ZSCAN5A: variants seen among roughly 807,000 people sequenced by gnomAD.
The protein encoded by ZSCAN5A is zinc finger and SCAN domain containing 5A.
A neutral mutation model predicts 23.7 loss-of-function variants in ZSCAN5A; 12 were observed. That is an observed-to-expected ratio of 0.51 (90% CI 0.32 to 0.82). The LOEUF is 0.82. Ranked by LOEUF, ZSCAN5A falls within the 40% of genes least tolerant of loss-of-function variation. The probability of loss-of-function intolerance (pLI) is 0.03; values close to 1 mark genes in which losing one functional copy is unlikely to be tolerated. For synonymous variants in ZSCAN5A, 257 were observed against 239.9 expected (o/e 1.07, Z -0.66); for missense variants, 597 against 617.9 (o/e 0.97, Z 0.36).
intron 2 of ZSCAN5A, among the ~76,000 whole-genome samples, chr19:56,304,620 G>A (rs570378766): frequency 2.0e-5 from 3 of 152,066 alleles, no homozygotes; most frequent in Admixed American, 6.5e-5. Context: ...GGTGAGAGGC[G>A]GGCTGAATAG....
chr19:56,228,286 C>T (rs527287072), intron 2 of ZSCAN5A: 1 of 985,396 alleles, frequency 1.0e-6, no homozygotes, highest in African/African-American at 1.7e-5. Flanking sequence ...CCTTCTCGGT[C>T]TGGGATGCGC....
chr19:56,300,005 A>G (rs1314118702), intron 2 of ZSCAN5A: 1 of 152,192 alleles, frequency 6.6e-6, no homozygotes, highest in Non-Finnish European at 1.5e-5. Flanking sequence ...TTGTGAAGAA[A>G]GAAAGATGAG....
chr19:56,270,496 T>C (rs2037771822), intron 2 of ZSCAN5A, among the ~76,000 whole-genome samples: 1 of 152,132 alleles, frequency 6.6e-6, no homozygotes, highest in African/African-American at 2.4e-5. Context: ...TTAGAATAAA[T>C]GTAAAAACAC....
At chr19:56,323,576 G>A (rs1600282061) in intron 2 of ZSCAN5A, among the ~76,000 whole-genome samples, 1 of 120,962 alleles carries the variant, frequency 8.3e-6, no homozygotes, top group Admixed American at 9.7e-5. Context: ...CACTCTTATT[G>A]CCCAGGCTGG....
rs2038921822 is a variant in ZSCAN5A at position 56,284,099 on chromosome 19, A to C, written c.-128+29184T>G. ...CATCTGACCTCGTTTTTGGTTTTCT[A>C]ATTATGGCTTCGTCTTTGTGACCTC... is the stretch of plus-strand genomic sequence containing the variant. On this transcript the variant is annotated intron_variant, in intron 2 of 5. Coordinates refer to ENST00000683990, the MANE Select transcript of ZSCAN5A (RefSeq NM_001322064.3). 4.2e-6 allele frequency: 4 copies of C among 950,728 alleles called. No individual in the cohort carries two copies. The African/African-American group carries it at 7.1e-5, about 17-fold the overall frequency. 58.9% of individuals were successfully genotyped at this position (950,728 alleles called of 1,614,324 possible).
chr19:56,299,320 T>G (rs1403041330), intron 2 of ZSCAN5A, among the ~76,000 whole-genome samples: 1 of 151,502 alleles, frequency 6.6e-6, no homozygotes, highest in African/African-American at 2.4e-5. Flanking sequence ...TTTTGTAGAG[T>G]TTGGGTCTCC....
At chr19:56,227,046 G>A (rs896623500) in intron 2 of ZSCAN5A, among the ~76,000 whole-genome samples, 1 of 152,164 alleles carries the variant, frequency 6.6e-6, no homozygotes, top group African/African-American at 2.4e-5. Flanking sequence ...GGAAGATATA[G>A]GTCAAAGAGT....
intron 2 of ZSCAN5A, chr19:56,320,819 G>A (rs1001977130): frequency 1.3e-5 from 10 of 785,262 alleles, no homozygotes; most frequent in Non-Finnish European, 2.4e-5. Context: ...ACCATAGGTG[G>A]CAGCAAGATG....
chr19:56,353,302 T>C (rs1011718240), intron 2 of ZSCAN5A, among the ~76,000 whole-genome samples: 1 of 152,024 alleles, frequency 6.6e-6, no homozygotes, highest in African/African-American at 2.4e-5. Flanking sequence ...AAAATGGGAG[T>C]GAAAATATTG....
intron 2 of ZSCAN5A, chr19:56,281,645 A>C: frequency 1.0e-6 from 1 of 977,430 alleles, no homozygotes; most frequent in Non-Finnish European, 1.2e-6. Context: ...CTCTTCCTTG[A>C]ATTTTCCATG....
intron 2 of ZSCAN5A, among the ~76,000 whole-genome samples, chr19:56,323,448 A>G (rs985017926): frequency 1.3e-5 from 2 of 152,018 alleles, no homozygotes; most frequent in African/African-American, 4.8e-5. Context: ...TGCTGGGATT[A>G]CAGGTGTGAG....
chr19:56,276,506 C>CCTTTT (rs748724863), intron 2 of ZSCAN5A, among the ~76,000 whole-genome samples: 1 of 139,736 alleles, frequency 7.2e-6, no homozygotes, highest in Non-Finnish European at 1.5e-5. Context: ...CTAAAGAGCT[C>CCTTTT]TTTTTTTTTT....
At position 56,223,783 on chromosome 19, in the gene ZSCAN5A, C is replaced by T. The variant is rs145011101; in HGVS notation, c.436G>A (p.Glu146Lys). The T allele has an allele frequency of 1.3e-5, 21 of 1,613,716 alleles. No homozygotes were observed. Among genetic ancestry groups the T allele is most frequent in the Middle Eastern group, 1.6e-4 (1 of 6,084 alleles). ...KEYIVQDSDI[E>K]MAEAPSSVRD... ...ACACTGGAGGGGGCTTCAGCCATCTCGATATCTGAGTCCTGCACAATATAT... is the reference window on the plus strand; with the variant it reads ...ACACTGGAGGGGGCTTCAGCCATCTTGATATCTGAGTCCTGCACAATATAT... Residue 146 changes from glutamate to lysine, a missense_variant, in exon 4 of 6, where the codon GAG becomes AAG. By Grantham distance (56) the Glu-to-Lys change is moderately conservative (BLOSUM62 1). This residue lies in a region of ZSCAN5A where 406 missense variants were observed against 353.2 expected (regional missense o/e 1.15). Transcript: ENST00000683990.
intron 2 of ZSCAN5A, among the ~76,000 whole-genome samples, chr19:56,302,613 C>CCCCTTCCTTT (rs2040403244): frequency 2.7e-5 from 3 of 112,516 alleles, no homozygotes; most frequent in Non-Finnish European, 1.8e-5. Flanking sequence ...CTTCCTCTCC[C>CCCCTTCCTTT]TCTTCCTCCC....
Position 56,222,002 on chromosome 19 carries a change from G to A in ZSCAN5A, c.1064C>T (p.Pro355Leu), listed in dbSNP as rs771052526. ...CTTCTCGCACACGTCACATGCAAAGGGCGGCAGTGCCTTGGCTTCTTGGCC... is the reference window on the plus strand; with the variant it reads ...CTTCTCGCACACGTCACATGCAAAGAGCGGCAGTGCCTTGGCTTCTTGGCC... Reference protein sequence around the residue: ...PDGQEAKALPPFACDVCEKRF... With the variant: ...PDGQEAKALPLFACDVCEKRF... Residue 355 changes from proline to leucine, a missense_variant, in exon 6 of 6, where the codon CCC (proline) becomes CTC (leucine). Physicochemically the swap from Pro to Leu is moderately conservative, Grantham distance 98 (BLOSUM62 -3). This residue lies in a region of ZSCAN5A where 406 missense variants were observed against 353.2 expected (regional missense o/e 1.15). Coordinates refer to ENST00000683990, the MANE Select transcript of ZSCAN5A (RefSeq NM_001322064.3). The A allele has an allele frequency of 3.1e-6, 5 of 1,614,098 alleles. No homozygotes were observed. The African/African-American group carries it at 5.3e-5, about 17-fold the overall frequency.
intron 2 of ZSCAN5A, among the ~76,000 whole-genome samples, chr19:56,312,942 C>G (rs1244744246): frequency 2.6e-5 from 4 of 152,184 alleles, no homozygotes; most frequent in African/African-American, 4.8e-5. Context: ...GTCAGCACAC[C>G]ATGCTTGTTA....
At chr19:56,346,382 T>A (rs2041633315) in intron 2 of ZSCAN5A, among the ~76,000 whole-genome samples, 1 of 152,054 alleles carries the variant, frequency 6.6e-6, no homozygotes, top group African/African-American at 2.4e-5. Flanking sequence ...GGATCATGGG[T>A]CACAGGTTGA....
intron 2 of ZSCAN5A, among the ~76,000 whole-genome samples, chr19:56,242,787 T>C (rs2035530825): frequency 1.0e-5 from 1 of 99,132 alleles, no homozygotes; most frequent in Non-Finnish European, 2.5e-5. Flanking sequence ...CTTTCTCTCT[T>C]TTTTTTTTGA....
chr19:56,234,964 G>T (rs73621014), intron 2 of ZSCAN5A, among the ~76,000 whole-genome samples: 11,620 of 152,250 alleles, frequency 0.076, 968 homozygotes, highest in African/African-American at 0.21. Context: ...CAAAAGAACC[G>T]CACTTGCAGC....
Sources: allele counts gnomAD v4.1 joint callset (sites outside exome capture counted in the v4.1 genomes callset), GRCh38; gene constraint gnomAD v4.1.1; regional missense constraint gnomAD v4.1.1; transcripts MANE v1.5; gene names NCBI Gene and HGNC (gene_info 2026-07-23, HGNC 2026-07-21).